The following NELL1 variants were observed in gnomAD, a reference collection of about 807,000 sequenced individuals.
The protein encoded by NELL1 is protein kinase C-binding protein NELL1.
Under a neutral mutation model 107.4 loss-of-function variants are expected in NELL1, and 76 were observed. The observed-to-expected ratio is 0.71, with a 90% CI of 0.59 to 0.86. The LOEUF is 0.86. Ranked by LOEUF, NELL1 falls within the 40% of genes least tolerant of loss-of-function variation. The pLI is 0.00. For synonymous variants in NELL1, 353 were observed against 341.2 expected, an observed-to-expected ratio of 1.03 and a Z score of -0.38; for missense variants, 1,024 against 1,005.5, an observed-to-expected ratio of 1.02 and a Z score of -0.25.
In NELL1 at chr11:21,231,817, T is replaced by C. The variant is rs189614895; in HGVS notation, c.1549+2363T>C. On this transcript the variant is annotated intron_variant, in intron 14 of 19. Coordinates refer to ENST00000357134, the MANE Select transcript of NELL1 (RefSeq NM_006157.5). ...GGGAAAATAATTTTCTTAAAGTGAT[T>C]GTCATAATCAATTGTGTTGACCTCA... Among the ~76,000 whole-genome samples, 417 of 152,264 alleles carry C rather than the reference T, an allele frequency of 2.7e-3. 1 individual carries two copies. Among genetic ancestry groups the C allele is most frequent in the African/African-American group, 9.5e-3 (396 of 41,554 alleles).
At chr11:20,732,877 A>G (rs1458693205) in intron 2 of NELL1, among the ~76,000 whole-genome samples, 1 of 152,132 alleles carries the variant, frequency 6.6e-6, no homozygotes, top group Non-Finnish European at 1.5e-5. Flanking sequence ...TAAGTCATTT[A>G]TTGAAATGCC....
chr11:21,234,239 A>C (rs949854566), intron 14 of NELL1, among the ~76,000 whole-genome samples: 1 of 152,226 alleles, frequency 6.6e-6, no homozygotes, highest in African/African-American at 2.4e-5. Flanking sequence ...AAAAACTTGC[A>C]AATTAAAGAT....
chr11:21,017,458 A>G (rs938378429), intron 12 of NELL1, among the ~76,000 whole-genome samples: 1 of 151,980 alleles, frequency 6.6e-6, no homozygotes, highest in Admixed American at 6.6e-5. Flanking sequence ...TCCCAATGTT[A>G]TGATTATCTC....
At chr11:21,142,988 A>G (rs1279399403) in intron 13 of NELL1, among the ~76,000 whole-genome samples, 1 of 152,228 alleles carries the variant, frequency 6.6e-6, no homozygotes, top group Non-Finnish European at 1.5e-5. Flanking sequence ...ATATGTAAGT[A>G]AAATGAAGTA....
chr11:21,231,034 A>G (rs577017473), intron 14 of NELL1, among the ~76,000 whole-genome samples: 1 of 152,354 alleles, frequency 6.6e-6, no homozygotes, highest in South Asian at 2.1e-4. Context: ...TTATCTTGGC[A>G]TATGAATTTT....
intron 12 of NELL1, among the ~76,000 whole-genome samples, chr11:21,096,396 G>T (rs1854644215): frequency 6.6e-6 from 1 of 152,186 alleles, no homozygotes; most frequent in African/African-American, 2.4e-5. Flanking sequence ...TCTCTGAGTG[G>T]AGGTTGTATT....
chr11:21,479,679 G>A (rs1015985882), intron 15 of NELL1, among the ~76,000 whole-genome samples: 2 of 152,102 alleles, frequency 1.3e-5, no homozygotes, highest in Non-Finnish European at 2.9e-5. Context: ...ATAACTAAAA[G>A]TGTATATTTG....
intron 9 of NELL1, among the ~76,000 whole-genome samples, chr11:20,936,191 C>T (rs892890560): frequency 5.9e-5 from 9 of 152,074 alleles, no homozygotes; most frequent in African/African-American, 9.7e-5. Context: ...AATGGCCCTT[C>T]GGAGTTGTCC....
At chr11:21,333,145 T>C (rs955928346) in intron 14 of NELL1, among the ~76,000 whole-genome samples, 4 of 151,970 alleles carry the variant, frequency 2.6e-5, no homozygotes, top group African/African-American at 9.7e-5. Context: ...TTTTAAAAGG[T>C]AAAATTTGCT....
intron 3 of NELL1, among the ~76,000 whole-genome samples, chr11:20,803,081 T>C (rs1175672442): frequency 6.6e-6 from 1 of 152,182 alleles, no homozygotes; most frequent in African/African-American, 2.4e-5. Flanking sequence ...GCTGCCCTGA[T>C]ATAATGAGTT....
chr11:21,085,670 G>A (rs150595207), intron 12 of NELL1, among the ~76,000 whole-genome samples: 177 of 151,958 alleles, frequency 1.2e-3, no homozygotes, highest in African/African-American at 4.0e-3. Flanking sequence ...TCTAGTCAGG[G>A]GACAACAACA....
At chr11:21,339,071 A>G (rs1160909841) in intron 14 of NELL1, among the ~76,000 whole-genome samples, 1 of 152,166 alleles carries the variant, frequency 6.6e-6, no homozygotes, top group African/African-American at 2.4e-5. Flanking sequence ...TCTAATCCCC[A>G]CTGTTCTGGG....
At chr11:20,961,615 C>G (rs752790302) in intron 12 of NELL1, among the ~76,000 whole-genome samples, 3 of 152,236 alleles carry the variant, frequency 2.0e-5, no homozygotes, top group Middle Eastern at 3.4e-3. Flanking sequence ...TTCTCTATCT[C>G]ATAGTTGACC....
At chr11:20,979,674 A>G (rs1379938369) in intron 12 of NELL1, among the ~76,000 whole-genome samples, 2 of 152,152 alleles carry the variant, frequency 1.3e-5, no homozygotes, top group East Asian at 1.9e-4. Flanking sequence ...AAATCTTTAA[A>G]TTCTTGAATC....
intron 15 of NELL1, among the ~76,000 whole-genome samples, chr11:21,471,061 T>C (rs1281801535): frequency 6.6e-6 from 1 of 152,156 alleles, no homozygotes; most frequent in East Asian, 1.9e-4. Flanking sequence ...GACCACAGCA[T>C]GTCTGCTTAA....
At chr11:21,239,336 A>G (rs1590762327) in intron 14 of NELL1, among the ~76,000 whole-genome samples, 1 of 152,050 alleles carries the variant, frequency 6.6e-6, no homozygotes, top group Non-Finnish European at 1.5e-5. Context: ...CATCATACCT[A>G]TAACAGGGAT....
At chr11:21,004,253 A>G (rs1274776803) in intron 12 of NELL1, among the ~76,000 whole-genome samples, 2 of 152,286 alleles carry the variant, frequency 1.3e-5, no homozygotes, top group East Asian at 3.9e-4. Flanking sequence ...GTGTACTGGC[A>G]TGTAGTAGAT....
chr11:20,997,575 G>A (rs949566328), intron 12 of NELL1, among the ~76,000 whole-genome samples: 10 of 152,288 alleles, frequency 6.6e-5, no homozygotes, highest in South Asian at 6.2e-4. Flanking sequence ...AACTCACCAT[G>A]GTATATAAGA....
chr11:20,889,002 T>A (rs987825669), intron 5 of NELL1, among the ~76,000 whole-genome samples: 1 of 152,242 alleles, frequency 6.6e-6, no homozygotes, highest in African/African-American at 2.4e-5. Context: ...GCTAATGTTT[T>A]ATTGCCCAAA....
Sources: gnomAD v4.1 joint callset for allele counts (sites outside exome capture counted in the v4.1 genomes callset) on GRCh38, gnomAD v4.1.1 for gene constraint, MANE v1.5 for transcripts, NCBI Gene and HGNC (gene_info 2026-07-23, HGNC 2026-07-21) for gene names.